Variants in TCF25 observed in about 807,000 individuals in gnomAD.
The protein encoded by TCF25 is TCF25 ribosome quality control complex subunit, also known as ribosome quality control complex subunit TCF25.
A neutral mutation model predicts 83.1 loss-of-function variants in TCF25; 41 were observed. The ratio of observed to expected loss-of-function variants is 0.49; its 90% CI spans 0.38 to 0.64. TCF25 has a LOEUF of 0.64. Among genes scored for constraint, TCF25 ranks in the 30% least tolerant of loss-of-function variants. The probability of loss-of-function intolerance (pLI) is 0.00; values close to 1 mark genes in which losing one functional copy is unlikely to be tolerated. For missense variants in TCF25, 979 were observed against 914.5 expected (o/e 1.07, Z -0.91); for synonymous variants, 458 against 365.0 (o/e 1.25, Z -2.90).
chr16:89,886,395 T>C (rs989900627), intron 4 of TCF25, among the ~76,000 whole-genome samples: 2 of 151,952 alleles, frequency 1.3e-5, no homozygotes, highest in Admixed American at 6.6e-5. Flanking sequence ...GCCACTGCAC[T>C]CCAGCCTGGG....
intron 7 of TCF25, among the ~76,000 whole-genome samples, chr16:89,894,187 T>G (rs2043645405): frequency 1.3e-5 from 2 of 151,976 alleles, no homozygotes; most frequent in Non-Finnish European, 2.9e-5. Flanking sequence ...TGCGGCTCAG[T>G]GCAGGCGAGC....
At chr16:89,903,829 C>T (rs1202609622) in intron 12 of TCF25, among the ~76,000 whole-genome samples, 2 of 152,092 alleles carry the variant, frequency 1.3e-5, no homozygotes, top group South Asian at 2.1e-4. Flanking sequence ...AAAAACCCAA[C>T]CCCATGTGTG....
intron 13 of TCF25, chr16:89,904,690 G>C (rs1229442598): frequency 3.1e-6 from 2 of 639,256 alleles, no homozygotes; most frequent in East Asian, 2.9e-5. Flanking sequence ...CCCGCCCTGG[G>C]TGCATTTTCA....
chr16:89,900,955 A>G, intron 12 of TCF25, 161 bp downstream of exon 12: 1 of 864,760 alleles, frequency 1.2e-6, no homozygotes, highest in Non-Finnish European at 1.6e-6. Flanking sequence ...AACCTGAAAG[A>G]GGGTCGGCTC....
intron 3 of TCF25, among the ~76,000 whole-genome samples, chr16:89,885,303 C>T (rs113093015): frequency 9.2e-5 from 14 of 152,306 alleles, no homozygotes; most frequent in South Asian, 2.1e-4. Flanking sequence ...GCGCTCTGCT[C>T]TGTGTCTCTG....
At chr16:89,883,581 C>T in intron 2 of TCF25, 69 bp downstream of exon 2, 3 of 1,481,188 alleles carry the variant, frequency 2.0e-6, no homozygotes, top group Non-Finnish European at 2.7e-6. Context: ...CACGTGTATC[C>T]TGTGCTGTGA....
chr16:89,889,593 C>A lies in TCF25; in HGVS notation c.614+1876C>A, dbSNP rs1004734961. ...GAGACAGAATTTTGCTCTTGTTGCC[C>A]AGGCTGGAGTGCAATGGCTCAATCT... On this transcript the variant is annotated intron_variant, in intron 5 of 17. Coordinates refer to ENST00000263346, the MANE Select transcript of TCF25 (RefSeq NM_014972.3). 33 of 160,788 alleles carry A rather than the reference C, an allele frequency of 2.1e-4. No homozygotes were observed. In the Middle Eastern group the frequency reaches 0.013, roughly 62 times the overall value. The allele number at this position is 160,788 out of a possible 1,614,324, so 10.0% of individuals were successfully genotyped here. A position where few individuals can be genotyped will look rare whatever the true frequency, so the allele number is the denominator to read the frequency against.
chr16:89,885,315 G>A (rs1018736200), intron 3 of TCF25, among the ~76,000 whole-genome samples: 29 of 152,192 alleles, frequency 1.9e-4, no homozygotes, highest in African/African-American at 6.5e-4. Flanking sequence ...GTGTCTCTGT[G>A]GGAATGTGTG....
intron 6 of TCF25, among the ~76,000 whole-genome samples, chr16:89,893,138 A>G (rs1443860069): frequency 1.3e-5 from 2 of 152,152 alleles, no homozygotes; most frequent in Non-Finnish European, 2.9e-5. Flanking sequence ...CAGGGCCATC[A>G]AGAAGGTATC....
intron 1 of TCF25, among the ~76,000 whole-genome samples, chr16:89,876,490 C>A (rs1233186907): frequency 6.6e-6 from 1 of 152,096 alleles, no homozygotes; most frequent in East Asian, 1.9e-4. Flanking sequence ...TCTTAAACTC[C>A]TGGGCTCAAG....
At chr16:89,896,676 C>G (rs2043881227) in intron 9 of TCF25, among the ~76,000 whole-genome samples, 7 of 151,758 alleles carry the variant, frequency 4.6e-5, no homozygotes, top group Admixed American at 3.9e-4. Context: ...GCCTCAGGCT[C>G]CCGAGTAGCT....
intron 16 of TCF25, chr16:89,910,306 C>G (rs1394717849): frequency 3.8e-6 from 2 of 520,364 alleles, no homozygotes; most frequent in African/African-American, 1.9e-5. Context: ...GTGCAGTGGC[C>G]GAGGATGGCT....
Position 89,887,736 on chromosome 16 carries a change from T to C in TCF25, c.614+19T>C, listed in dbSNP as rs1278885890. On this transcript the variant is annotated intron_variant, in intron 5 of 17. Transcript: ENST00000263346. The stretch of plus-strand genomic sequence containing the variant: ...AGCAAAGGTAAGGTCCACAGTGAGC[T>C]GCATTCTCACAGCTGCTTCATTCCT... 1.3e-6 allele frequency: 2 copies of C among 1,548,394 alleles called. No individual in the cohort carries two copies. The highest frequency in any genetic ancestry group is 2.5e-5 in the South Asian group (2 of 81,164).
At chr16:89,889,166 C>G (rs995829004) in intron 5 of TCF25, 2 of 377,966 alleles carry the variant, frequency 5.3e-6, no homozygotes, top group African/African-American at 4.4e-5. Flanking sequence ...GACTCTCCAT[C>G]GAAGTGTCCA....
intron 1 of TCF25, among the ~76,000 whole-genome samples, chr16:89,880,873 CTGCAGGG>C (rs2042555052): frequency 6.6e-6 from 1 of 152,200 alleles, no homozygotes; most frequent in Non-Finnish European, 1.5e-5. Context: ...TCTTCCTTTA[CTGCAGGG>C]TGCAAGGCAG....
chr16:89,893,891 G>C, intron 7 of TCF25, 33 bp downstream of exon 7: 1 of 1,577,654 alleles, frequency 6.3e-7, no homozygotes, highest in African/African-American at 1.4e-5. Context: ...GACAGGAGCA[G>C]GGGCCATGTA....
At chr16:89,908,659 C>T (rs2045253870) in intron 16 of TCF25, among the ~76,000 whole-genome samples, 1 of 130,888 alleles carries the variant, frequency 7.6e-6, no homozygotes, top group Admixed American at 7.3e-5. Context: ...TCCCACCTCC[C>T]AGCTCCCACC....
chr16:89,884,470 A>T (rs1363369992), intron 2 of TCF25, 112 bp from the exon 3 acceptor site: 1 of 1,060,410 alleles, frequency 9.4e-7, no homozygotes, highest in African/African-American at 1.6e-5. Context: ...TGGGACACGG[A>T]GGGAGAGGTA....
In TCF25 at chr16:89,878,674, G is replaced by A. The variant is rs1039204140; in HGVS notation, c.193-4677G>A. ...TTTGTTTTTTGAGACGGAGTCTTGC[G>A]CTGTCGCCCAGGCTGGAGTGCAGTG... On this transcript the variant is annotated intron_variant, in intron 1 of 17. Coordinates refer to ENST00000263346, the MANE Select transcript of TCF25 (RefSeq NM_014972.3). The A allele has an allele frequency of 4.7e-6, 5 of 1,062,702 alleles. No individual in the cohort carries two copies. In the East Asian group the frequency reaches 2.8e-4, roughly 59 times the overall value. The allele number at this position is 1,062,702 out of a possible 1,614,324, so 65.8% of individuals were successfully genotyped here. A position where few individuals can be genotyped will look rare whatever the true frequency, so the allele number is the denominator to read the frequency against.
Sources: gnomAD v4.1 joint callset for allele counts (sites outside exome capture counted in the v4.1 genomes callset) on GRCh38, gnomAD v4.1.1 for gene constraint, MANE v1.5 for transcripts, NCBI Gene and HGNC (gene_info 2026-07-23, HGNC 2026-07-21) for gene names.